Variants in SETD7 observed in about 807,000 individuals in gnomAD.
The protein encoded by SETD7 is histone-lysine N-methyltransferase SETD7.
In SETD7, 16 loss-of-function variants were observed where a neutral mutation model predicts 41.8. The observed-to-expected ratio is 0.38, with a 90% CI of 0.26 to 0.58. The LOEUF is 0.58. Ranked by LOEUF, SETD7 falls within the 20% of genes least tolerant of loss-of-function variation. SETD7 has a pLI of 0.64. For synonymous variants in SETD7, 163 were observed against 169.7 expected (o/e 0.96, Z 0.31); for missense variants, 346 against 459.7 (o/e 0.75, Z 2.26).
Position 139,506,810 on chromosome 4 carries a change from G to C in SETD7, c.*4853C>G, listed in dbSNP as rs550194123. The C allele has an allele frequency of 2.4e-4, 37 of 152,754 alleles. No homozygotes were observed. The highest frequency in any genetic ancestry group is 8.7e-4 in the African/African-American group (36 of 41,568). 9.5% of individuals were successfully genotyped at this position (152,754 alleles called of 1,614,324 possible). A position where few individuals can be genotyped will look rare whatever the true frequency, so the allele number is the denominator to read the frequency against. The stretch of plus-strand genomic sequence containing the variant: ...GGAGGTATGTCCTAGGGATGTGATT[G>C]ACTCTTGACATTTAACAACTTTGAA... On this transcript the variant is annotated 3_prime_UTR_variant, in exon 8 of 8. Coordinates refer to ENST00000274031, the MANE Select transcript of SETD7 (RefSeq NM_030648.4).
At chr4:139,549,249 T>C (rs910246653) in intron 1 of SETD7, among the ~76,000 whole-genome samples, 1 of 152,234 alleles carries the variant, frequency 6.6e-6, no homozygotes, top group Non-Finnish European at 1.5e-5. Context: ...TTATGTTTGA[T>C]AAAATGTGTT....
chr4:139,496,909 G>T (rs1726467045), intron 7 of SETD7, among the ~76,000 whole-genome samples: 1 of 118,224 alleles, frequency 8.5e-6, no homozygotes, highest in Non-Finnish European at 1.8e-5. Flanking sequence ...CACAGAGTCC[G>T]AGTGCTATAA....
In SETD7 at chr4:139,509,782, G is replaced by C. The variant is rs950687058; in HGVS notation, c.*1881C>G. 11 of 985,270 alleles carry C rather than the reference G, an allele frequency of 1.1e-5. No individual in the cohort carries two copies. In the African/African-American group the frequency reaches 1.9e-4, roughly 17 times the overall value. The allele number at this position is 985,270 out of a possible 1,614,324, so 61.0% of individuals were successfully genotyped here. A position where few individuals can be genotyped will look rare whatever the true frequency, so the allele number is the denominator to read the frequency against. ...TACAGAGTAAGAGTGACCCTATCCT[G>C]GTGCCTTTAAATCTAAAAACTATTC... On this transcript the variant is annotated 3_prime_UTR_variant, in exon 8 of 8. Transcript: ENST00000274031.
rs546843389 is a variant in SETD7, at chr4:139,532,997, C to A, written c.372+168G>T. On this transcript the variant is annotated intron_variant, in intron 3 of 7. Coordinates refer to ENST00000274031, the MANE Select transcript of SETD7 (RefSeq NM_030648.4). ...GGATTCAAGGGCCAACAATCTAAGCCAATAGTGAGTAACAGTGAGAGGGCA... is the reference window on the plus strand; with the variant it reads ...GGATTCAAGGGCCAACAATCTAAGCAAATAGTGAGTAACAGTGAGAGGGCA... 2.9e-5 allele frequency: 18 copies of A among 631,270 alleles called. 1 individual carries two copies. Among genetic ancestry groups the A allele is most frequent in the South Asian group, 1.9e-4 (10 of 52,694 alleles). 39.1% of individuals were successfully genotyped at this position (631,270 alleles called of 1,614,324 possible). A position where few individuals can be genotyped will look rare whatever the true frequency, so the allele number is the denominator to read the frequency against.
chr4:139,538,239 C>T (rs1342283070), intron 2 of SETD7, among the ~76,000 whole-genome samples: 1 of 152,094 alleles, frequency 6.6e-6, no homozygotes, highest in Non-Finnish European at 1.5e-5. Flanking sequence ...CATTGTAAAA[C>T]AAACACATAA....
intron 4 of SETD7, among the ~76,000 whole-genome samples, chr4:139,523,818 T>C (rs1160557776): frequency 6.6e-6 from 1 of 152,212 alleles, no homozygotes; most frequent in Admixed American, 6.5e-5. Flanking sequence ...AGATACAGTC[T>C]ACAGAATCCA....
In SETD7 at chr4:139,509,708, G is replaced by T. The variant is rs778625861; in HGVS notation, c.*1955C>A. On this transcript the variant is annotated 3_prime_UTR_variant, in exon 8 of 8. Transcript: ENST00000274031. ...AATTAAAGCACCTATCAGAATGCAA[G>T]TCCAGAGGCCCTGGCCCATCCGTCA... The T allele has an allele frequency of 6.5e-5, 64 of 985,416 alleles. No individual in the cohort carries two copies. Among genetic ancestry groups the T allele is most frequent in the Non-Finnish European group, 7.5e-5 (62 of 830,010 alleles). The allele number at this position is 985,416 out of a possible 1,614,324, so 61.0% of individuals were successfully genotyped here.
chr4:139,547,137 T>C (rs1464209114), intron 1 of SETD7, 88 bp from the exon 2 acceptor site: 46 of 1,520,716 alleles, frequency 3.0e-5, no homozygotes, highest in Non-Finnish European at 4.1e-5. Flanking sequence ...GCCAGACAAG[T>C]CCCCCACCCA....
At position 139,555,617 on chromosome 4, in the gene SETD7, G is replaced by A. The variant is rs955883962; in HGVS notation, c.40+481C>T. ...GCTGCGCCGGGGGACCTACCCGGAC[G>A]GGGCCGCGGCCGCCGCGGGGCGCAG... On this transcript the variant is annotated intron_variant, in intron 1 of 7. Coordinates refer to ENST00000274031, the MANE Select transcript of SETD7 (RefSeq NM_030648.4). The surrounding 1 kb of genome is among the most constrained non-coding windows in gnomAD (Gnocchi z 4.0). Among the ~76,000 whole-genome samples, 3 of 152,042 alleles carry A rather than the reference G, an allele frequency of 2.0e-5. No homozygotes were observed. Among genetic ancestry groups the A allele is most frequent in the Admixed American group, 6.5e-5 (1 of 15,276 alleles).
At chr4:139,505,269 C>T (rs895870606), downstream of SETD7, among the ~76,000 whole-genome samples, 1 of 152,144 alleles carries the variant, frequency 6.6e-6, no homozygotes, top group East Asian at 1.9e-4. Flanking sequence ...ATGTTGACTC[C>T]TTTTGTCACT....
chr4:139,539,504 T>A (rs1727728410), intron 2 of SETD7, among the ~76,000 whole-genome samples: 1 of 152,220 alleles, frequency 6.6e-6, no homozygotes, highest in Non-Finnish European at 1.5e-5. Flanking sequence ...TAACATACTG[T>A]CTATCTTTGA....
At chr4:139,512,004 G>A (rs925803881) in intron 7 of SETD7, among the ~76,000 whole-genome samples, 161 bp from the exon 8 acceptor site, 2 of 152,094 alleles carry the variant, frequency 1.3e-5, no homozygotes, top group African/African-American at 4.8e-5. Context: ...TCACCCGAGA[G>A]CTTATTAGAC....
chr4:139,530,356 C>CTTTTTTT lies in SETD7; in HGVS notation c.373-1143_373-1137dup, dbSNP rs70943427. ...ACTTTTGAGTGATCCCAAATGCTGC[C>CTTTTTTT]TTTTTTTTTTTTTTTTTTTTGCCTT... On this transcript the variant is annotated intron_variant, in intron 3 of 7. Transcript: ENST00000274031. Among the ~76,000 whole-genome samples, 2 of 126,936 alleles carry CTTTTTTT rather than the reference C, an allele frequency of 1.6e-5. 1 individual carries two copies. Among genetic ancestry groups the CTTTTTTT allele is most frequent in the Non-Finnish European group, 3.3e-5 (2 of 60,268 alleles). 83.3% of individuals were successfully genotyped at this position (126,936 alleles called of 152,430 possible). A position where few individuals can be genotyped will look rare whatever the true frequency, so the allele number is the denominator to read the frequency against.
chr4:139,540,011 T>C (rs1483812338), intron 2 of SETD7, among the ~76,000 whole-genome samples: 1 of 152,198 alleles, frequency 6.6e-6, no homozygotes, highest in Non-Finnish European at 1.5e-5. Context: ...GAATTTGTTG[T>C]AGCAGCCCAA....
intron 5 of SETD7, 58 bp from the exon 6 acceptor site, chr4:139,520,452 A>G (rs1325547967): frequency 3.6e-5 from 34 of 955,702 alleles, no homozygotes; most frequent in Non-Finnish European, 5.4e-5. Context: ...CATTCCTTAC[A>G]TCAACTGCCA....
downstream of SETD7, among the ~76,000 whole-genome samples, chr4:139,501,842 G>A (rs1193676383): frequency 6.6e-6 from 1 of 152,190 alleles, no homozygotes; most frequent in Non-Finnish European, 1.5e-5. Flanking sequence ...CGGAGACACG[G>A]CAGGTCCCGA....
At chr4:139,536,006 C>T (rs1197851650) in intron 2 of SETD7, among the ~76,000 whole-genome samples, 1 of 152,162 alleles carries the variant, frequency 6.6e-6, no homozygotes, top group African/African-American at 2.4e-5. Context: ...CTGCTGACTG[C>T]TTTTGTAAAT....
In SETD7 at chr4:139,523,387, T is replaced by A; in HGVS notation, c.611A>T (p.Asn204Ile). The stretch of plus-strand genomic sequence containing the variant: ...TTCATAAGGATCTGGAAGAAGAGCA[T>A]TGGTAGAAATGCAAGATGAAGTCGA... ...DKSTSSCIST[N>I]ALLPDPYESE... The change falls in exon 5 of 8, where the codon AAT becomes ATT. Residue 204 changes from asparagine (N) to isoleucine (I), a missense_variant. Asn to Ile is a moderately radical substitution (Grantham distance 149). Coordinates refer to ENST00000274031, the MANE Select transcript of SETD7 (RefSeq NM_030648.4). 1 of 1,613,542 alleles carries A rather than the reference T, an allele frequency of 6.2e-7. No homozygotes were observed. The highest frequency in any genetic ancestry group is 1.1e-5 in the South Asian group (1 of 91,000).
chr4:139,534,082 C>T (rs1423553815), intron 2 of SETD7, among the ~76,000 whole-genome samples: 5 of 152,122 alleles, frequency 3.3e-5, no homozygotes, highest in African/African-American at 1.2e-4. Context: ...CATTAGCATC[C>T]TGATAGTTTG....
Sources: allele counts gnomAD v4.1 joint callset (sites outside exome capture counted in the v4.1 genomes callset), GRCh38; gene constraint gnomAD v4.1.1; non-coding constraint Gnocchi (gnomAD v3.1); transcripts MANE v1.5; gene names NCBI Gene and HGNC (gene_info 2026-07-23, HGNC 2026-07-21).